Variants in STK32B observed in about 807,000 individuals in gnomAD.
STK32B encodes serine/threonine-protein kinase 32B.
In STK32B, 43 loss-of-function variants were observed where a neutral mutation model predicts 52.6. That is an observed-to-expected ratio of 0.82 (90% CI 0.64 to 1.05). The LOEUF (loss-of-function observed/expected upper bound fraction) is 1.05. Ranked by LOEUF, STK32B falls within the 50% of genes least tolerant of loss-of-function variation. The probability of loss-of-function intolerance (pLI) is 0.00; values close to 1 mark genes in which losing one functional copy is unlikely to be tolerated. For synonymous variants in STK32B, 238 were observed against 204.3 expected (o/e 1.17, Z -1.41); for missense variants, 621 against 534.6 (o/e 1.16, Z -1.59).
intron 3 of STK32B, among the ~76,000 whole-genome samples, chr4:5,322,361 G>A (rs368224982): frequency 3.9e-5 from 6 of 152,028 alleles, no homozygotes; most frequent in East Asian, 3.9e-4. Context: ...TTTAAGAATC[G>A]CTAGAGGTGA....
At chr4:5,338,117 C>T (rs1223667288) in intron 4 of STK32B, among the ~76,000 whole-genome samples, 3 of 152,124 alleles carry the variant, frequency 2.0e-5, no homozygotes, top group Admixed American at 2.0e-4. Flanking sequence ...AGGATTAATG[C>T]TGTTGTAACA....
chr4:5,344,631 A>C (rs765926088), intron 4 of STK32B, among the ~76,000 whole-genome samples: 19 of 152,184 alleles, frequency 1.2e-4, no homozygotes, highest in Non-Finnish European at 2.2e-4. Context: ...GAAGTGAATT[A>C]TGAACCTTAT....
At chr4:5,423,540 T>A (rs2109080691) in intron 6 of STK32B, among the ~76,000 whole-genome samples, 1 of 152,320 alleles carries the variant, frequency 6.6e-6, no homozygotes, top group South Asian at 2.1e-4. Flanking sequence ...GTTGTTCTGA[T>A]TGCTAATAGT....
chr4:5,133,698 A>C (rs1715905408), intron 1 of STK32B, among the ~76,000 whole-genome samples: 1 of 152,198 alleles, frequency 6.6e-6, no homozygotes, highest in Non-Finnish European at 1.5e-5. Context: ...ATGTTAGCTC[A>C]TTGTACAGAT....
intron 1 of STK32B, among the ~76,000 whole-genome samples, chr4:5,081,509 A>G (rs1272213712): frequency 1.3e-5 from 2 of 151,720 alleles, no homozygotes; most frequent in Non-Finnish European, 2.9e-5. Flanking sequence ...CCCATAGTCC[A>G]TCTATTATTT....
At chr4:5,226,957 T>A (rs554301201) in intron 3 of STK32B, among the ~76,000 whole-genome samples, 298 of 152,300 alleles carry the variant, frequency 2.0e-3, no homozygotes, top group Non-Finnish European at 2.7e-3. Context: ...TTTTTCAAAA[T>A]GAAAATACAG....
intron 4 of STK32B, among the ~76,000 whole-genome samples, chr4:5,346,606 G>T (rs1297531619): frequency 1.3e-5 from 2 of 152,204 alleles, no homozygotes; most frequent in Admixed American, 6.5e-5. Context: ...GCTGTAAAGA[G>T]CAGTGCTAAG....
intron 3 of STK32B, among the ~76,000 whole-genome samples, chr4:5,237,491 C>T (rs963142146): frequency 6.6e-6 from 1 of 152,166 alleles, no homozygotes; most frequent in African/African-American, 2.4e-5. Context: ...AATGAGGTCT[C>T]CAGGCCCAGC....
chr4:5,323,413 T>G (rs13434435), intron 3 of STK32B, among the ~76,000 whole-genome samples: 10,518 of 152,120 alleles, frequency 0.069, 384 homozygotes, highest in South Asian at 0.085. Context: ...CACGGCTGCT[T>G]CTTCTGGACT....
chr4:5,346,584 T>C (rs1733472610), intron 4 of STK32B, among the ~76,000 whole-genome samples: 1 of 152,184 alleles, frequency 6.6e-6, no homozygotes. Flanking sequence ...GGTCCAGGCC[T>C]GGCCACTCAC....
rs60834193 is a variant in STK32B, at chr4:5,462,240, G to A, written c.909+2012G>A. On this transcript the variant is annotated intron_variant, in intron 9 of 11. Transcript: ENST00000282908. ...TGTCTATGTGTGCCTGTGTATCTGC[G>A]TGTGTGTGCCTCTGTTTTTGTGTCT... Among the ~76,000 whole-genome samples the A allele has an allele frequency of 8.3e-3, 1,266 of 151,880 alleles. 25 individuals are homozygous for A. Among genetic ancestry groups the A allele is most frequent in the African/African-American group, 0.028 (1,175 of 41,364 alleles).
chr4:5,207,615 G>A (rs375879973), intron 3 of STK32B, among the ~76,000 whole-genome samples: 16 of 151,926 alleles, frequency 1.1e-4, no homozygotes, highest in Non-Finnish European at 1.6e-4. Context: ...GTCCCAGTCC[G>A]CGAGGGTGGC....
chr4:5,201,614 T>G (rs1466052240), intron 3 of STK32B, among the ~76,000 whole-genome samples: 1 of 152,138 alleles, frequency 6.6e-6, no homozygotes, highest in Non-Finnish European at 1.5e-5. Flanking sequence ...TGAGACTGGG[T>G]CATTTATAAA....
chr4:5,312,347 T>TGTGC (rs1211686177), intron 3 of STK32B, among the ~76,000 whole-genome samples: 1 of 152,052 alleles, frequency 6.6e-6, no homozygotes, highest in African/African-American at 2.4e-5. Context: ...TGCAGGTAGT[T>TGTGC]ACATATGTAT....
rs548633461 is a variant in STK32B, at chr4:5,325,244, A to G, written c.261-5976A>G. On this transcript the variant is annotated intron_variant, in intron 3 of 11. Coordinates refer to ENST00000282908, the MANE Select transcript of STK32B (RefSeq NM_018401.3). ...AGACTCATGGTTCACCACATTACAG[A>G]ACACCATCTTCATAAGAATCCAGTG... is the stretch of plus-strand genomic sequence containing the variant. 1.4e-4 allele frequency among the ~76,000 whole-genome samples: 22 copies of G among 152,260 alleles called. No homozygotes were observed. The South Asian group carries it at 4.4e-3, about 30-fold the overall frequency.
intron 3 of STK32B, among the ~76,000 whole-genome samples, chr4:5,274,965 A>T (rs989412388): frequency 6.6e-6 from 1 of 152,136 alleles, no homozygotes; most frequent in African/African-American, 2.4e-5. Context: ...GGTTCATCCT[A>T]ATTGAGCTGA....
intron 1 of STK32B, among the ~76,000 whole-genome samples, chr4:5,093,140 A>G (rs541949851): frequency 6.6e-6 from 1 of 152,336 alleles, no homozygotes; most frequent in South Asian, 2.1e-4. Context: ...TGGCCTAAAA[A>G]TACTGAAAAA....
intron 4 of STK32B, among the ~76,000 whole-genome samples, chr4:5,390,178 C>T (rs545346166): frequency 6.6e-6 from 1 of 152,166 alleles, no homozygotes; most frequent in Non-Finnish European, 1.5e-5. Context: ...GTGAGGGAGT[C>T]CCTGATATGG....
intron 6 of STK32B, among the ~76,000 whole-genome samples, chr4:5,442,748 G>T (rs1374233583): frequency 6.6e-5 from 10 of 152,210 alleles, no homozygotes; most frequent in East Asian, 1.9e-4. Flanking sequence ...GGTACCGGTT[G>T]TTCCTTTCCA....
Sources: allele counts gnomAD v4.1 joint callset (sites outside exome capture counted in the v4.1 genomes callset), GRCh38; gene constraint gnomAD v4.1.1; transcripts MANE v1.5; gene names NCBI Gene and HGNC (gene_info 2026-07-23, HGNC 2026-07-21).